PGP: variants seen among roughly 807,000 people sequenced by gnomAD.
The protein encoded by PGP is phosphoglycolate phosphatase, also known as aspartate-based ubiquitous Mg(2+)-dependent phosphatase.
In PGP, 9 loss-of-function variants were observed where a neutral mutation model predicts 19.3. The ratio of observed to expected loss-of-function variants is 0.47; its 90% CI spans 0.28 to 0.81. The LOEUF (loss-of-function observed/expected upper bound fraction) is 0.81. Among genes scored for constraint, PGP ranks in the 40% least tolerant of loss-of-function variants. PGP has a pLI of 0.11. For synonymous variants in PGP, 308 were observed against 226.8 expected, an observed-to-expected ratio of 1.36 and a Z score of -3.22; for missense variants, 403 against 479.9, an observed-to-expected ratio of 0.84 and a Z score of 1.50.
Position 2,212,869 on chromosome 16 carries a change from T to C in PGP, c.*859A>G. On this transcript the variant is annotated 3_prime_UTR_variant, in exon 2 of 2. Transcript: ENST00000333503. ...TTGCCTACGACACAGAGCACAGCTA[T>C]TAATACACTTAAAATTCAAATCCAT... 1 of 985,478 alleles carries C rather than the reference T, an allele frequency of 1.0e-6. No individual in the cohort carries two copies. Among genetic ancestry groups the C allele is most frequent in the African/African-American group, 1.7e-5 (1 of 57,376 alleles). The allele number at this position is 985,478 out of a possible 1,614,324, so 61.0% of individuals were successfully genotyped here.
rs773421787 is a variant in PGP at position 2,214,280 on chromosome 16, G to C, written c.498C>G (p.Arg166=). The C allele has an allele frequency of 4.5e-6, 7 of 1,569,758 alleles. No homozygotes were observed. Among genetic ancestry groups the C allele is most frequent in the Non-Finnish European group, 6.0e-6 (7 of 1,166,502 alleles). Residue 166 remains arginine (R), a synonymous_variant, in exon 1 of 2, where the codon CGC becomes CGG. Coordinates refer to ENST00000333503, the MANE Select transcript of PGP (RefSeq NM_001042371.3). This position sits in a 1 kb window ranked among gnomAD's most constrained non-coding sequence, Gnocchi z 7.1. The part of the protein sequence containing the change: ...WLHAPLEPDV[R]AVVVGFDPHF... ...GCGGGTCAAAGCCCACCACCACCGC[G>C]CGCACGTCGGGCTCCAGCGGCGCGT...
Position 2,213,086 on chromosome 16 carries a change from G to A in PGP, c.*642C>T. 1 of 985,540 alleles carries A rather than the reference G, an allele frequency of 1.0e-6. No homozygotes were observed. Among genetic ancestry groups the A allele is most frequent in the Non-Finnish European group, 1.2e-6 (1 of 829,962 alleles). The allele number at this position is 985,540 out of a possible 1,614,324, so 61.0% of individuals were successfully genotyped here. On this transcript the variant is annotated 3_prime_UTR_variant, in exon 2 of 2. Transcript: ENST00000333503. ...GTTTACAGAACTGGGCAGCAGCCCT[G>A]GGTATCTGAAACGGAACAGACACTC...
Position 2,214,194 on chromosome 16 carries a change from A to AGCAGGCAGCCGGGCTGCT in PGP, c.566_583dup (p.Gln189_Leu194dup). 6.3e-7 allele frequency: 1 copy of AGCAGGCAGCCGGGCTGCT among 1,595,516 alleles called. No individual in the cohort carries two copies. The highest frequency in any genetic ancestry group is 8.5e-7 in the Non-Finnish European group (1 of 1,179,024). ...CCGGTTGTCCATGTTGGTGCCCACG[A>AGCAGGCAGCCGGGCTGCT]GCAGGCAGCCGGGCTGCTGCAGGTA... On this transcript the variant is annotated inframe_insertion, in exon 1 of 2. Transcript: ENST00000333503. This position sits in a 1 kb window ranked among gnomAD's most constrained non-coding sequence, Gnocchi z 7.1.
At position 2,213,540 on chromosome 16, in the gene PGP, A is replaced by G; in HGVS notation, c.*188T>C. 1.5e-6 allele frequency: 1 copy of G among 678,150 alleles called. No homozygotes were observed. Among genetic ancestry groups the G allele is most frequent in the Non-Finnish European group, 2.2e-6 (1 of 454,426 alleles). 42.0% of individuals were successfully genotyped at this position (678,150 alleles called of 1,614,324 possible). A position where few individuals can be genotyped will look rare whatever the true frequency, so the allele number is the denominator to read the frequency against. On this transcript the variant is annotated 3_prime_UTR_variant, in exon 2 of 2. Coordinates refer to ENST00000333503, the MANE Select transcript of PGP (RefSeq NM_001042371.3). ...AGCCTAAAAGTGCATCTTCGATTAC[A>G]AGCATCTGTAAACAAAATCGTCCCC...
Position 2,212,132 on chromosome 16 carries a change from C to G in PGP, c.*1596G>C. 1.0e-6 allele frequency: 1 copy of G among 985,686 alleles called. No individual in the cohort carries two copies. The highest frequency in any genetic ancestry group is 1.7e-5 in the African/African-American group (1 of 57,384). The allele number at this position is 985,686 out of a possible 1,614,324, so 61.1% of individuals were successfully genotyped here. On this transcript the variant is annotated 3_prime_UTR_variant, in exon 2 of 2. Coordinates refer to ENST00000333503, the MANE Select transcript of PGP (RefSeq NM_001042371.3). ...ACTGAGGCTGCATCTGCCATGCGCT[C>G]CTGGTGTGACTGCACCCTGTCAGGC... is the stretch of plus-strand genomic sequence containing the variant.
chr16:2,214,094 G>C lies in PGP; in HGVS notation c.641-41C>G, dbSNP rs764286869. On this transcript the variant is annotated intron_variant, in intron 1 of 1. Transcript: ENST00000333503. This position sits in a 1 kb window ranked among gnomAD's most constrained non-coding sequence, Gnocchi z 7.1. ...GACCGGGTCAAAGGGCAGGGAGGGG[G>C]CCCGCCGCCCGCCCCCCAGCCTCCC... The C allele has an allele frequency of 6.5e-7, 1 of 1,544,862 alleles. No individual in the cohort carries two copies. The highest frequency in any genetic ancestry group is 1.9e-5 in the Admixed American group (1 of 52,488).
In PGP at chr16:2,212,380, G is replaced by T. The variant is rs1042504679; in HGVS notation, c.*1348C>A. The T allele has an allele frequency of 1.0e-6, 1 of 985,916 alleles. No homozygotes were observed. Among genetic ancestry groups the T allele is most frequent in the African/African-American group, 1.7e-5 (1 of 57,268 alleles). The allele number at this position is 985,916 out of a possible 1,614,324, so 61.1% of individuals were successfully genotyped here. A position where few individuals can be genotyped will look rare whatever the true frequency, so the allele number is the denominator to read the frequency against. On this transcript the variant is annotated 3_prime_UTR_variant, in exon 2 of 2. Coordinates refer to ENST00000333503, the MANE Select transcript of PGP (RefSeq NM_001042371.3). ...GAAGCTGCCAGGTACAGGGAAAGGC[G>T]CTGGTAGGGAGCCAGCCAGAAGGTG...
Position 2,211,882 on chromosome 16 carries a change from T to C in PGP, c.*1846A>G, listed in dbSNP as rs76732812. The C allele has an allele frequency of 3.3e-4, 329 of 985,508 alleles. No individual in the cohort carries two copies. The African/African-American group carries it at 5.5e-3, about 16-fold the overall frequency. 61.0% of individuals were successfully genotyped at this position (985,508 alleles called of 1,614,324 possible). On this transcript the variant is annotated 3_prime_UTR_variant, in exon 2 of 2. Transcript: ENST00000333503. ...CCAGGCTGGGAGTGGGCAGTTGGCA[T>C]TCCAGCTCTGGAGTTGGAACCCCAG... is the stretch of plus-strand genomic sequence containing the variant.
Position 2,212,207 on chromosome 16 carries a change from C to A in PGP, c.*1521G>T. 2 of 985,836 alleles carry A rather than the reference C, an allele frequency of 2.0e-6. No homozygotes were observed. Among genetic ancestry groups the A allele is most frequent in the South Asian group, 9.4e-5 (2 of 21,292 alleles). 61.1% of individuals were successfully genotyped at this position (985,836 alleles called of 1,614,324 possible). On this transcript the variant is annotated 3_prime_UTR_variant, in exon 2 of 2. Coordinates refer to ENST00000333503, the MANE Select transcript of PGP (RefSeq NM_001042371.3). ...CCAAGCCAGCGTCAGTGTCACCAGC[C>A]TCATGGGTGGAGCCACCCTCATGCT...
rs1217200932 is a variant in PGP at position 2,212,719 on chromosome 16, T to C, written c.*1009A>G. On this transcript the variant is annotated 3_prime_UTR_variant, in exon 2 of 2. Transcript: ENST00000333503. ...GCCCTGGATGACTGACAGGCATTCC[T>C]TGGCCAACACATGCTTGAGCCGCGC... 1 of 985,338 alleles carries C rather than the reference T, an allele frequency of 1.0e-6. No homozygotes were observed. The highest frequency in any genetic ancestry group is 1.7e-5 in the African/African-American group (1 of 57,260). The allele number at this position is 985,338 out of a possible 1,614,324, so 61.0% of individuals were successfully genotyped here.
rs144921889 is a variant in PGP, at chr16:2,212,893, A to G, written c.*835T>C. 1.1e-5 allele frequency: 11 copies of G among 983,438 alleles called. No homozygotes were observed. Among genetic ancestry groups the G allele is most frequent in the African/African-American group, 5.3e-5 (3 of 56,432 alleles). The allele number at this position is 983,438 out of a possible 1,614,324, so 60.9% of individuals were successfully genotyped here. ...ATTAATACACTTAAAATTCAAATCC[A>G]TTGCCTGACACAGTTGTTCAAAGTT... On this transcript the variant is annotated 3_prime_UTR_variant, in exon 2 of 2. Transcript: ENST00000333503.
In PGP at chr16:2,214,511, G is replaced by A. The variant is rs1009476378; in HGVS notation, c.267C>T (p.Pro89=). The A allele has an allele frequency of 5.6e-6, 8 of 1,427,970 alleles. No individual in the cohort carries two copies. The African/African-American group carries it at 7.5e-5, about 13-fold the overall frequency. The allele number at this position is 1,427,970 out of a possible 1,614,324, so 88.5% of individuals were successfully genotyped here. A position where few individuals can be genotyped will look rare whatever the true frequency, so the allele number is the denominator to read the frequency against. The part of the protein sequence containing the change: ...EKLRRLGFGG[P]AGPGASLEVF... ...CCTCCAGGCTGGCGCCGGGCCCCGC[G>A]GGGCCGCCGAAGCCCAGGCGCCGCA... The change falls in exon 1 of 2, where the codon CCC becomes CCT. Residue 89 remains proline, a synonymous_variant. Transcript: ENST00000333503. This position sits in a 1 kb window ranked among gnomAD's most constrained non-coding sequence, Gnocchi z 7.1.
rs2093383894 is a variant in PGP, at chr16:2,214,800, C to G, written c.-23G>C. The stretch of plus-strand genomic sequence containing the variant: ...CATCGCCGCCCGCCGGCCGCCGCCG[C>G]CCGCCGGCCGCTCCTCGCAGCCGCC... On this transcript the variant is annotated 5_prime_UTR_variant, in exon 1 of 2. Transcript: ENST00000333503. The surrounding 1 kb of genome is among the most constrained non-coding windows in gnomAD (Gnocchi z 7.1). 10 of 869,590 alleles carry G rather than the reference C, an allele frequency of 1.1e-5. No individual in the cohort carries two copies. The highest frequency in any genetic ancestry group is 1.4e-5 in the Non-Finnish European group (10 of 726,022). The allele number at this position is 869,590 out of a possible 1,614,324, so 53.9% of individuals were successfully genotyped here.
rs2093383029 is a variant in PGP at position 2,214,466 on chromosome 16, G to A, written c.312C>T (p.Cys104=). The A allele has an allele frequency of 7.3e-7, 1 of 1,376,058 alleles. No homozygotes were observed. Among genetic ancestry groups the A allele is most frequent in the East Asian group, 3.1e-5 (1 of 32,412 alleles). The allele number at this position is 1,376,058 out of a possible 1,614,324, so 85.2% of individuals were successfully genotyped here. ...GGCGCTGGCGCAGGTAGAGCGCGGTGCAGTAGGCCGTGCCGAAGACCTCCA... is the reference window on the plus strand; with the variant it reads ...GGCGCTGGCGCAGGTAGAGCGCGGTACAGTAGGCCGTGCCGAAGACCTCCA... ...ASLEVFGTAY[C]TALYLRQRLA... Residue 104 remains cysteine, a synonymous_variant, in exon 1 of 2, where the codon TGC becomes TGT. Transcript: ENST00000333503. This position sits in a 1 kb window ranked among gnomAD's most constrained non-coding sequence, Gnocchi z 7.1.
chr16:2,213,688 T>A lies in PGP; in HGVS notation c.*40A>T, dbSNP rs753555611. The stretch of plus-strand genomic sequence containing the variant: ...ATTAATTTGGGTAACTGGTTTTCAA[T>A]TTCTTTTTTTTTATTCTGCAGATTA... On this transcript the variant is annotated 3_prime_UTR_variant, in exon 2 of 2. Coordinates refer to ENST00000333503, the MANE Select transcript of PGP (RefSeq NM_001042371.3). The A allele has an allele frequency of 1.4e-6, 2 of 1,477,724 alleles. No homozygotes were observed. The highest frequency in any genetic ancestry group is 1.8e-6 in the Non-Finnish European group (2 of 1,114,238). The allele number at this position is 1,477,724 out of a possible 1,614,324, so 91.5% of individuals were successfully genotyped here.
Position 2,212,572 on chromosome 16 carries a change from ACCT to A in PGP, c.*1153_*1155del, listed in dbSNP as rs2093378177. 1.0e-6 allele frequency: 1 copy of A among 985,428 alleles called. No individual in the cohort carries two copies. The highest frequency in any genetic ancestry group is 1.2e-6 in the Non-Finnish European group (1 of 829,946). 61.0% of individuals were successfully genotyped at this position (985,428 alleles called of 1,614,324 possible). On this transcript the variant is annotated 3_prime_UTR_variant, in exon 2 of 2. Transcript: ENST00000333503. ...GAGGGAATCCAGGGCAAGGCAGGTG[ACCT>A]CCTGGGCCACCAGTCTCTAACCCCT...
At position 2,213,584 on chromosome 16, in the gene PGP, G is replaced by A. The variant is rs949314793; in HGVS notation, c.*144C>T. On this transcript the variant is annotated 3_prime_UTR_variant, in exon 2 of 2. Transcript: ENST00000333503. ...CGTCCCCCAAACGTGTACTTACAAG[G>A]TTAACAATGAATGCCTTTGCTTAAC... The A allele has an allele frequency of 3.7e-6, 3 of 812,234 alleles. No individual in the cohort carries two copies. The highest frequency in any genetic ancestry group is 5.4e-6 in the Non-Finnish European group (3 of 558,234). 50.3% of individuals were successfully genotyped at this position (812,234 alleles called of 1,614,324 possible).
chr16:2,214,051 T>C lies in PGP; in HGVS notation c.643A>G (p.Thr215Ala). Residue 215 changes from threonine (T) to alanine (A), a missense_variant and splice_region_variant, in exon 2 of 2, where the codon ACC (threonine) becomes GCC (alanine). Coordinates refer to ENST00000333503, the MANE Select transcript of PGP (RefSeq NM_001042371.3). The surrounding 1 kb of genome is among the most constrained non-coding windows in gnomAD (Gnocchi z 7.1). ...TCCACGGCTCGGACCAGACACCCGGTACCTGCGGGGCACAGGGGACCGGGT... is the reference window on the plus strand; with the variant it reads ...TCCACGGCTCGGACCAGACACCCGGCACCTGCGGGGCACAGGGGACCGGGT... ...PLENGRFIAGTGCLVRAVEMA... is the reference protein window; with the variant it reads ...PLENGRFIAGAGCLVRAVEMA... The C allele has an allele frequency of 6.3e-7, 1 of 1,598,642 alleles. No individual in the cohort carries two copies. The highest frequency in any genetic ancestry group is 1.1e-5 in the South Asian group (1 of 89,514).
chr16:2,214,497 G>C lies in PGP; in HGVS notation c.281C>G (p.Ala94Gly). 20 of 1,414,646 alleles carry C rather than the reference G, an allele frequency of 1.4e-5. No homozygotes were observed. The highest frequency in any genetic ancestry group is 1.8e-5 in the Non-Finnish European group (20 of 1,089,094). The allele number at this position is 1,414,646 out of a possible 1,614,324, so 87.6% of individuals were successfully genotyped here. A position where few individuals can be genotyped will look rare whatever the true frequency, so the allele number is the denominator to read the frequency against. The change falls in exon 1 of 2, where the codon GCC becomes GGC. Residue 94 changes from alanine to glycine, a missense_variant. Physicochemically the swap from Ala to Gly is moderately conservative, Grantham distance 60. Transcript: ENST00000333503. This position sits in a 1 kb window ranked among gnomAD's most constrained non-coding sequence, Gnocchi z 7.1. Reference sequence around the variant, plus strand: ...GGCCGTGCCGAAGACCTCCAGGCTGGCGCCGGGCCCCGCGGGGCCGCCGAA... The same window carrying C: ...GGCCGTGCCGAAGACCTCCAGGCTGCCGCCGGGCCCCGCGGGGCCGCCGAA... ...LGFGGPAGPG[A>G]SLEVFGTAYC...
Sources: allele counts gnomAD v4.1 joint callset, GRCh38; gene constraint gnomAD v4.1.1; non-coding constraint Gnocchi (gnomAD v3.1); transcripts MANE v1.5; gene names NCBI Gene and HGNC (gene_info 2026-07-23, HGNC 2026-07-21).